LPIN2: variants seen among roughly 807,000 people sequenced by gnomAD.
The protein encoded by LPIN2 is phosphatidate phosphatase LPIN2.
In LPIN2, 55 loss-of-function variants were observed where a neutral mutation model predicts 111.4. That is an observed-to-expected ratio of 0.49 (90% CI 0.40 to 0.62). The LOEUF is 0.62. LPIN2 is among the 20% of genes least tolerant of loss of function. The pLI, the probability that LPIN2 is intolerant of heterozygous loss-of-function variation, is 0.00. For missense variants in LPIN2, 992 were observed against 1,112.1 expected, an observed-to-expected ratio of 0.89 and a Z score of 1.54; for synonymous variants, 425 against 414.0, an observed-to-expected ratio of 1.03 and a Z score of -0.32.
At chr18:2,952,496 G>A (rs1339356623) in intron 3 of LPIN2, among the ~76,000 whole-genome samples, 2 of 152,286 alleles carry the variant, frequency 1.3e-5, no homozygotes, top group South Asian at 4.1e-4. Context: ...TTCTGAAAAT[G>A]TATAGGTTTC....
At position 2,919,971 on chromosome 18, in the gene LPIN2, AGCT is replaced by A. The variant is rs1217400150; in HGVS notation, c.*319_*321del. On this transcript the variant is annotated 3_prime_UTR_variant, in exon 20 of 20. Coordinates refer to ENST00000677752, the MANE Select transcript of LPIN2 (RefSeq NM_001375808.2). ...GCAGTGTTTTGGTCCACTCTTTTTT[AGCT>A]GCTTTTTTCTTCCTTTAAAATGATG... 3 of 421,376 alleles carry A rather than the reference AGCT, an allele frequency of 7.1e-6. No individual in the cohort carries two copies. Among genetic ancestry groups the A allele is most frequent in the Non-Finnish European group, 1.3e-5 (3 of 223,746 alleles). 26.1% of individuals were successfully genotyped at this position (421,376 alleles called of 1,614,324 possible).
In LPIN2 at chr18:2,940,595, A is replaced by G; in HGVS notation, c.698+10T>C. Reference sequence around the variant, plus strand: ...CTTTCAAGAAACCAAGAAATTTCAAAGATACTTACGTCTCTAAAGGGGACC... The same window carrying G: ...CTTTCAAGAAACCAAGAAATTTCAAGGATACTTACGTCTCTAAAGGGGACC... On this transcript the variant is annotated intron_variant, in intron 5 of 19. Transcript: ENST00000677752. The G allele has an allele frequency of 6.4e-7, 1 of 1,552,968 alleles. No homozygotes were observed. Among genetic ancestry groups the G allele is most frequent in the Non-Finnish European group, 8.9e-7 (1 of 1,125,900 alleles).
At chr18:2,947,168 G>A (rs1039334385) in intron 4 of LPIN2, among the ~76,000 whole-genome samples, 3 of 152,194 alleles carry the variant, frequency 2.0e-5, no homozygotes, top group Admixed American at 6.5e-5. Flanking sequence ...TGGATTAAAA[G>A]TTGAGACTCC....
At chr18:2,964,725 T>C (rs1206677709) in intron 1 of LPIN2, among the ~76,000 whole-genome samples, 1 of 152,208 alleles carries the variant, frequency 6.6e-6, no homozygotes, top group Non-Finnish European at 1.5e-5. Flanking sequence ...GCATTTCAGT[T>C]TTGGGATCGT....
intron 1 of LPIN2, among the ~76,000 whole-genome samples, chr18:3,002,914 T>G (rs2078456012): frequency 6.6e-6 from 1 of 152,222 alleles, no homozygotes; most frequent in Non-Finnish European, 1.5e-5. Context: ...TATGACACTA[T>G]CAGCTACTTC....
At chr18:3,003,783 A>G (rs760762432) in intron 1 of LPIN2, among the ~76,000 whole-genome samples, 48 of 152,346 alleles carry the variant, frequency 3.2e-4, no homozygotes, top group Non-Finnish European at 5.6e-4. Flanking sequence ...AGAACAGAAT[A>G]ACAGCAATTT....
chr18:2,942,285 C>A (rs1344109795), intron 4 of LPIN2, among the ~76,000 whole-genome samples: 5 of 152,102 alleles, frequency 3.3e-5, no homozygotes, highest in Non-Finnish European at 7.4e-5. Flanking sequence ...AGAAAGACAT[C>A]TAGGAAAAAG....
intron 1 of LPIN2, among the ~76,000 whole-genome samples, chr18:2,993,157 G>GAAAGAAGAAAGGAAGAAGGAAA (rs2078291937): frequency 6.8e-6 from 1 of 147,976 alleles, no homozygotes; most frequent in African/African-American, 2.5e-5. Flanking sequence ...GAAGAAAAAA[G>GAAAGAAGAAAGGAAGAAGGAAA]AAAGAAGAAA....
chr18:2,932,199 A>G (rs2077220735), intron 8 of LPIN2, among the ~76,000 whole-genome samples: 1 of 152,232 alleles, frequency 6.6e-6, no homozygotes, highest in Admixed American at 6.5e-5. Flanking sequence ...TAAGTCTCAC[A>G]GTCCCCAATG....
intron 1 of LPIN2, among the ~76,000 whole-genome samples, chr18:2,992,926 C>T (rs780069251): frequency 1.2e-4 from 18 of 146,388 alleles, no homozygotes; most frequent in Non-Finnish European, 2.1e-4. Flanking sequence ...GCGGAGCTTG[C>T]AGTGAGCTGA....
chr18:2,946,020 T>G (rs761939816), intron 4 of LPIN2: 11 of 1,389,004 alleles, frequency 7.9e-6, no homozygotes, highest in Non-Finnish European at 1.1e-5. Context: ...ATACACAGAC[T>G]TCTTCTAGAC....
chr18:2,968,317 T>G (rs964266712), intron 1 of LPIN2, among the ~76,000 whole-genome samples: 1 of 152,138 alleles, frequency 6.6e-6, no homozygotes, highest in African/African-American at 2.4e-5. Context: ...CAGGTTTAAC[T>G]CAGAAACAAT....
intron 1 of LPIN2, among the ~76,000 whole-genome samples, chr18:2,995,157 C>A (rs2078322462): frequency 6.7e-6 from 1 of 148,496 alleles, no homozygotes. Context: ...TTTCTTTTTT[C>A]TTCTCATTAA....
At chr18:2,975,426 C>T (rs1225543709) in intron 1 of LPIN2, among the ~76,000 whole-genome samples, 1 of 152,116 alleles carries the variant, frequency 6.6e-6, no homozygotes, top group Non-Finnish European at 1.5e-5. Flanking sequence ...CTTCTGCCTC[C>T]CGGGTTCAAG....
At chr18:3,002,293 GT>G (rs2078447177) in intron 1 of LPIN2, among the ~76,000 whole-genome samples, 1 of 144,484 alleles carries the variant, frequency 6.9e-6, no homozygotes, top group Non-Finnish European at 1.5e-5. Flanking sequence ...CAGTACCTAC[GT>G]TTTTCAACTG....
At chr18:2,959,760 A>G (rs751375) in intron 2 of LPIN2, among the ~76,000 whole-genome samples, 86,436 of 151,998 alleles carry the variant, frequency 0.57, 25,073 homozygotes, top group Non-Finnish European at 0.62. Context: ...TTAGCATTTC[A>G]GTCAAATATG....
In LPIN2 at chr18:2,921,391, T is replaced by A. The variant is rs1224871593; in HGVS notation, c.2442+142A>T. On this transcript the variant is annotated intron_variant, in intron 18 of 19. Transcript: ENST00000677752. Reference sequence around the variant, plus strand: ...AGTTGCTATAGATATTTGGAATAGATCAAGTGAAAACCGAACAAGCAGAAC... The same window carrying A: ...AGTTGCTATAGATATTTGGAATAGAACAAGTGAAAACCGAACAAGCAGAAC... The A allele has an allele frequency of 9.2e-5, 66 of 719,526 alleles. No homozygotes were observed. The Admixed American group carries it at 1.3e-3, about 14-fold the overall frequency. 44.6% of individuals were successfully genotyped at this position (719,526 alleles called of 1,614,324 possible).
At chr18:2,971,271 A>G (rs570539162) in intron 1 of LPIN2, among the ~76,000 whole-genome samples, 2 of 152,304 alleles carry the variant, frequency 1.3e-5, no homozygotes, top group East Asian at 3.9e-4. Context: ...AGGAAGTGGG[A>G]TCAAAAAGGA....
At chr18:2,962,659 G>C (rs1408917359) in intron 1 of LPIN2, among the ~76,000 whole-genome samples, 1 of 152,066 alleles carries the variant, frequency 6.6e-6, no homozygotes, top group Non-Finnish European at 1.5e-5. Context: ...AAATAACACA[G>C]CTAGATCTCA....
Sources: gnomAD v4.1 joint callset for allele counts (sites outside exome capture counted in the v4.1 genomes callset) on GRCh38, gnomAD v4.1.1 for gene constraint, MANE v1.5 for transcripts, NCBI Gene and HGNC (gene_info 2026-07-23, HGNC 2026-07-21) for gene names.